Variants in KAZN observed in about 807,000 individuals in gnomAD.
KAZN encodes kazrin, periplakin interacting protein.
A neutral mutation model predicts 87.4 loss-of-function variants in KAZN; 40 were observed. The ratio of observed to expected loss-of-function variants is 0.46; its 90% confidence interval spans 0.36 to 0.60. KAZN has a LOEUF of 0.60. Among genes scored for constraint, KAZN ranks in the 20% least tolerant of loss-of-function variants. The pLI is 0.00. For missense variants in KAZN, 898 were observed against 1,073.9 expected (o/e 0.84, Z 2.29); for synonymous variants, 466 against 458.3 (o/e 1.02, Z -0.22).
chr1:14,291,626 AC>A (rs1194582441), intron 2 of KAZN, among the ~76,000 whole-genome samples: 3 of 151,730 alleles, frequency 2.0e-5, no homozygotes, highest in Non-Finnish European at 4.4e-5. Flanking sequence ...AAATCCCTTG[AC>A]CCCTTGCACT....
At chr1:14,614,265 T>C (rs774204503) in intron 1 of KAZN, among the ~76,000 whole-genome samples, 4 of 152,256 alleles carry the variant, frequency 2.6e-5, no homozygotes, top group Non-Finnish European at 4.4e-5. Context: ...CATTTCCCTG[T>C]TCCTCTGCAA....
At chr1:15,001,058 G>T (rs964140365) in intron 2 of KAZN, among the ~76,000 whole-genome samples, 1 of 149,636 alleles carries the variant, frequency 6.7e-6, no homozygotes, top group Non-Finnish European at 1.5e-5. Context: ...AGCCATGGTG[G>T]TGCCACTGCG....
At chr1:14,065,953 T>G (rs1171442828) in intron 1 of KAZN, among the ~76,000 whole-genome samples, 1 of 152,152 alleles carries the variant, frequency 6.6e-6, no homozygotes, top group East Asian at 1.9e-4. Context: ...AATATGTAGT[T>G]TTTGTTTTGT....
At chr1:14,653,341 G>A in intron 1 of KAZN, among the ~76,000 whole-genome samples, 1 of 152,224 alleles carries the variant, frequency 6.6e-6, no homozygotes, top group East Asian at 1.9e-4. Context: ...GCAGGTGCCA[G>A]GTATGGTGGC....
At position 14,949,155 on chromosome 1, in the gene KAZN, A is replaced by AAAT. The variant is rs3039717; in HGVS notation, c.227-11496_227-11494dup. Among the ~76,000 whole-genome samples, 38,261 of 143,622 alleles carry AAAT rather than the reference A, an allele frequency of 0.27. 5,288 individuals carry two copies. Among genetic ancestry groups the AAAT allele is most frequent in the Middle Eastern group, 0.34 (91 of 268 alleles). 94.2% of individuals were successfully genotyped at this position (143,622 alleles called of 152,430 possible). A position where few individuals can be genotyped will look rare whatever the true frequency, so the allele number is the denominator to read the frequency against. ...GCAACAGAGTGAGACTCCGACTCAAAAATAATAATAATAATAATAATAATA... is the reference window on the plus strand; with the variant it reads ...GCAACAGAGTGAGACTCCGACTCAAAAATAATAATAATAATAATAATAATAATA... On this transcript the variant is annotated intron_variant, in intron 1 of 14. Coordinates refer to ENST00000376030, the MANE Select transcript of KAZN (RefSeq NM_201628.3). The surrounding 1 kb of genome is among the most constrained non-coding windows in gnomAD (Gnocchi z 4.3).
chr1:14,991,068 C>G (rs1250274214), intron 2 of KAZN, among the ~76,000 whole-genome samples: 1 of 151,594 alleles, frequency 6.6e-6, no homozygotes, highest in Non-Finnish European at 1.5e-5. Flanking sequence ...AGAACCAACC[C>G]TTGGCCGGGC....
intron 10 of KAZN, among the ~76,000 whole-genome samples, chr1:15,098,889 G>A (rs1395603465): frequency 1.3e-5 from 2 of 152,202 alleles, no homozygotes; most frequent in African/African-American, 2.4e-5. Flanking sequence ...AGGGGCCCTG[G>A]ACATTCACAG....
rs1027199737 is a variant in KAZN, at chr1:15,003,774, C to T, written c.419-30975C>T. ...CCATGAAACCTCTTACCCCCACTCC[C>T]TGCAGTTGGATACTCTTCCCCAGGT... On this transcript the variant is annotated intron_variant, in intron 2 of 14. Transcript: ENST00000376030. Among the ~76,000 whole-genome samples, 9 of 152,260 alleles carry T rather than the reference C, an allele frequency of 5.9e-5. No homozygotes were observed. The South Asian group carries it at 8.3e-4, about 14-fold the overall frequency.
At chr1:14,202,766 T>C (rs996431611) in intron 2 of KAZN, among the ~76,000 whole-genome samples, 1 of 151,976 alleles carries the variant, frequency 6.6e-6, no homozygotes, top group Non-Finnish European at 1.5e-5. Context: ...AAGATAAAAA[T>C]CATGATCAGG....
At chr1:14,518,115 T>C (rs1303747658) in intron 2 of KAZN, among the ~76,000 whole-genome samples, 2 of 150,224 alleles carry the variant, frequency 1.3e-5, no homozygotes, top group African/African-American at 4.9e-5. Flanking sequence ...TCACGTTAAA[T>C]GGGGTAGTTA....
chr1:15,112,621 C>A, intron 14 of KAZN, 80 bp downstream of exon 14: 2 of 386,250 alleles, frequency 5.2e-6, no homozygotes, highest in Non-Finnish European at 4.3e-6. Flanking sequence ...AGCTCTGTGG[C>A]TCCTGTGCTG....
At chr1:14,196,239 G>T (rs530643381) in intron 2 of KAZN, among the ~76,000 whole-genome samples, 1 of 152,148 alleles carries the variant, frequency 6.6e-6, no homozygotes, top group Non-Finnish European at 1.5e-5. Context: ...CTTTGAAGGA[G>T]TCTGGCTTTT....
chr1:14,074,855 G>T (rs2246175), intron 1 of KAZN, among the ~76,000 whole-genome samples: 48,670 of 152,016 alleles, frequency 0.32, 7,986 homozygotes, highest in East Asian at 0.53. Flanking sequence ...TCTGGGCCTC[G>T]ATTTTATCAT....
intron 1 of KAZN, among the ~76,000 whole-genome samples, chr1:14,937,789 T>C (rs2101619697): frequency 6.6e-6 from 1 of 152,332 alleles, no homozygotes; most frequent in South Asian, 2.1e-4. Context: ...GAGTCTGATC[T>C]TCCAGCCTGT....
intron 1 of KAZN, among the ~76,000 whole-genome samples, chr1:14,731,676 A>C (rs1204217327): frequency 1.3e-5 from 2 of 152,222 alleles, no homozygotes; most frequent in Non-Finnish European, 2.9e-5. Flanking sequence ...GAGGACACAC[A>C]GCTAGTGGGT....
chr1:15,014,886 C>T (rs950416852), intron 2 of KAZN, among the ~76,000 whole-genome samples: 10 of 152,108 alleles, frequency 6.6e-5, no homozygotes, highest in African/African-American at 1.9e-4. Context: ...GTTGTTTTCT[C>T]GGGTCATGAG....
intron 1 of KAZN, among the ~76,000 whole-genome samples, chr1:14,065,993 G>A (rs2101536849): frequency 6.6e-6 from 1 of 152,040 alleles, no homozygotes; most frequent in South Asian, 2.1e-4. Flanking sequence ...CTTCCTCCTG[G>A]CTTCTGAATC....
chr1:14,980,303 A>G (rs536307273), intron 2 of KAZN, among the ~76,000 whole-genome samples: 2 of 152,298 alleles, frequency 1.3e-5, no homozygotes, highest in East Asian at 1.9e-4. Flanking sequence ...AGAGGGCTCT[A>G]TTAAAAGTTG....
chr1:14,133,822 T>G (rs1182696354), intron 1 of KAZN, among the ~76,000 whole-genome samples: 2 of 152,080 alleles, frequency 1.3e-5, no homozygotes, highest in Non-Finnish European at 2.9e-5. Context: ...TGCTGGAGGC[T>G]TTTCCAGCCA....
Sources: allele counts gnomAD v4.1 joint callset (sites outside exome capture counted in the v4.1 genomes callset), GRCh38; gene constraint gnomAD v4.1.1; non-coding constraint Gnocchi (gnomAD v3.1); transcripts MANE v1.5; gene names NCBI Gene and HGNC (gene_info 2026-07-23, HGNC 2026-07-21).